The following WDR19 variants were observed in gnomAD, a reference collection of about 807,000 sequenced individuals.
WDR19 encodes the protein WD repeat-containing protein 19.
In WDR19, 121 loss-of-function variants were observed where a neutral mutation model predicts 180.0. The observed-to-expected ratio is 0.67, with a 90% CI of 0.58 to 0.78. The LOEUF is 0.78. Among genes scored for constraint, WDR19 ranks in the 30% least tolerant of loss-of-function variants. The pLI, the probability that WDR19 is intolerant of heterozygous loss-of-function variation, is 0.00. For missense variants in WDR19, 1,450 were observed against 1,640.7 expected, an observed-to-expected ratio of 0.88 and a Z score of 2.01; for synonymous variants, 497 against 540.7, an observed-to-expected ratio of 0.92 and a Z score of 1.12.
intron 36 of WDR19, among the ~76,000 whole-genome samples, chr4:39,284,335 T>A (rs905912923): frequency 2.1e-4 from 8 of 38,566 alleles, no homozygotes; most frequent in African/African-American, 1.7e-3. Context: ...AAAAAAATTT[T>A]TTTTTTTTTT....
At chr4:39,193,161 T>C (rs923322561) in intron 4 of WDR19, among the ~76,000 whole-genome samples, 35 of 149,596 alleles carry the variant, frequency 2.3e-4, no homozygotes, top group Admixed American at 4.7e-4. Context: ...ATTTTTTTTC[T>C]TTTCTTTTTT....
chr4:39,276,905 C>G, intron 33 of WDR19, 115 bp from the exon 34 acceptor site: 1 of 1,309,548 alleles, frequency 7.6e-7, no homozygotes, highest in Non-Finnish European at 1.1e-6. Flanking sequence ...AGCCCAGAGT[C>G]TGACTATGAA....
rs750722358 is a variant in WDR19, at chr4:39,268,106, C to A, written c.3358+15C>A. 6.4e-7 allele frequency: 1 copy of A among 1,554,464 alleles called. No homozygotes were observed. The highest frequency in any genetic ancestry group is 1.4e-5 in the African/African-American group (1 of 73,606). On this transcript the variant is annotated intron_variant, in intron 30 of 36. Transcript: ENST00000399820. ...GCAGTCTGCAGGTAGGTCCGTGATACGTATGTGTTACTTCCCAAGCAGGCA... is the reference window on the plus strand; with the variant it reads ...GCAGTCTGCAGGTAGGTCCGTGATAAGTATGTGTTACTTCCCAAGCAGGCA...
intron 21 of WDR19, among the ~76,000 whole-genome samples, 158 bp downstream of exon 21, chr4:39,240,492 T>C (rs528717825): frequency 2.0e-5 from 3 of 152,262 alleles, no homozygotes; most frequent in East Asian, 3.9e-4. Flanking sequence ...AGTTAAATCC[T>C]TTTAAAACAC....
intron 7 of WDR19, 114 bp from the exon 8 acceptor site, chr4:39,205,040 T>C: frequency 1.5e-6 from 1 of 682,906 alleles, no homozygotes; most frequent in African/African-American, 1.8e-5. Context: ...ATTTAGCACA[T>C]CTAAATTGGG....
intron 32 of WDR19, 22 bp from the exon 33 acceptor site, chr4:39,274,786 G>C (rs1735736489): frequency 6.2e-7 from 1 of 1,606,368 alleles, no homozygotes; most frequent in South Asian, 1.1e-5. Context: ...TGCTGTTGCT[G>C]CTCTCCCCTT....
intron 28 of WDR19, among the ~76,000 whole-genome samples, chr4:39,260,546 G>C (rs773069113): frequency 1.3e-5 from 2 of 152,006 alleles, no homozygotes; most frequent in African/African-American, 2.4e-5. Flanking sequence ...TCACCATGTT[G>C]GTCAGGCTGG....
rs772603713 is a variant in WDR19 at position 39,253,273 on chromosome 4, G to A, written c.2857G>A (p.Gly953Arg). The change falls in exon 25 of 37, where the codon GGA becomes AGA. Residue 953 changes from glycine to arginine, a missense_variant. Physicochemically the swap from Gly to Arg is moderately radical, Grantham distance 125. Coordinates refer to ENST00000399820, the MANE Select transcript of WDR19 (RefSeq NM_025132.4). ...NIVRETQSLD[G>R]AKMVARFFLQ... ...TGTTAGAGAGACCCAGTCTCTGGAT[G>A]GAGCCAAAATGGTAGCCAGGTAACA... 1.2e-6 allele frequency: 2 copies of A among 1,612,372 alleles called. No homozygotes were observed. Among genetic ancestry groups the A allele is most frequent in the South Asian group, 2.2e-5 (2 of 90,520 alleles).
intron 28 of WDR19, among the ~76,000 whole-genome samples, chr4:39,258,089 T>C (rs1021509422): frequency 1.3e-5 from 2 of 152,216 alleles, no homozygotes; most frequent in Non-Finnish European, 2.9e-5. Context: ...TGTCCTCTTA[T>C]GTCCAGTTTC....
chr4:39,282,009 T>C (rs1333430965), intron 36 of WDR19, among the ~76,000 whole-genome samples: 1 of 152,164 alleles, frequency 6.6e-6, no homozygotes, highest in Non-Finnish European at 1.5e-5. Context: ...AATCTCTCCC[T>C]TCAGGTAAAG....
At chr4:39,235,998 G>A (rs570775022) in intron 20 of WDR19, among the ~76,000 whole-genome samples, 10 of 152,252 alleles carry the variant, frequency 6.6e-5, no homozygotes, top group African/African-American at 1.7e-4. Context: ...TGTTGGTAAC[G>A]ATGTAGAGAA....
In WDR19 at chr4:39,257,598, A is replaced by C. The variant is rs747195904; in HGVS notation, c.3183+44A>C. The C allele has an allele frequency of 1.6e-5, 25 of 1,533,026 alleles. No homozygotes were observed. In the African/African-American group the frequency reaches 3.3e-4, roughly 20 times the overall value. The allele number at this position is 1,533,026 out of a possible 1,614,324, so 95.0% of individuals were successfully genotyped here. ...AAACTTTCAATAATGCCAATTTTTT[A>C]AAAAACTTCTTGAAAAAAATTTTAA... On this transcript the variant is annotated intron_variant, in intron 28 of 36. Coordinates refer to ENST00000399820, the MANE Select transcript of WDR19 (RefSeq NM_025132.4).
chr4:39,189,808 G>T, intron 4 of WDR19, 27 bp downstream of exon 4: 5 of 1,582,786 alleles, frequency 3.2e-6, no homozygotes, highest in Non-Finnish European at 3.4e-6. Context: ...ATTTTTTAAA[G>T]CTTCACTTAG....
At chr4:39,248,168 A>G (rs967379932) in intron 24 of WDR19, among the ~76,000 whole-genome samples, 1 of 152,262 alleles carries the variant, frequency 6.6e-6, no homozygotes, top group African/African-American at 2.4e-5. Flanking sequence ...CAGGAACTCT[A>G]CAAGCCAGAA....
In WDR19 at chr4:39,269,960, A is replaced by G; in HGVS notation, c.3359-16A>G. 3 of 1,613,136 alleles carry G rather than the reference A, an allele frequency of 1.9e-6. No individual in the cohort carries two copies. Among genetic ancestry groups the G allele is most frequent in the Non-Finnish European group, 2.5e-6 (3 of 1,179,280 alleles). On this transcript the variant is annotated splice_polypyrimidine_tract_variant and intron_variant, in intron 30 of 36. Coordinates refer to ENST00000399820, the MANE Select transcript of WDR19 (RefSeq NM_025132.4). ...TCACCCTTTGCAGTAATGTCGTTTT[A>G]CCACCTTTTTTCAAGGCAACTACCG... is the stretch of plus-strand genomic sequence containing the variant.
intron 28 of WDR19, among the ~76,000 whole-genome samples, chr4:39,264,180 C>G (rs1734567667): frequency 6.6e-6 from 1 of 152,050 alleles, no homozygotes. Flanking sequence ...TATTGAGGCC[C>G]CAAGAGTAAT....
intron 24 of WDR19, among the ~76,000 whole-genome samples, chr4:39,252,235 A>T (rs1228494116): frequency 6.6e-6 from 1 of 151,722 alleles, no homozygotes; most frequent in Non-Finnish European, 1.5e-5. Context: ...GGAAACCATC[A>T]TTCTCAGCAA....
In WDR19 at chr4:39,264,979, G is replaced by A. The variant is rs147878003; in HGVS notation, c.3184-1084G>A. Among the ~76,000 whole-genome samples the A allele has an allele frequency of 2.3e-3, 342 of 150,300 alleles. 1 individual carries two copies. Among genetic ancestry groups the A allele is most frequent in the African/African-American group, 7.6e-3 (312 of 40,808 alleles). ...GTCGCCCAGGCCGGAGTGCAGGGACGGGATGTCGGCTCACTGCAACCTTTG... is the reference window on the plus strand; with the variant it reads ...GTCGCCCAGGCCGGAGTGCAGGGACAGGATGTCGGCTCACTGCAACCTTTG... On this transcript the variant is annotated intron_variant, in intron 28 of 36. Coordinates refer to ENST00000399820, the MANE Select transcript of WDR19 (RefSeq NM_025132.4).
intron 28 of WDR19, among the ~76,000 whole-genome samples, chr4:39,262,409 A>T (rs1245245039): frequency 6.6e-6 from 1 of 151,886 alleles, no homozygotes; most frequent in Non-Finnish European, 1.5e-5. Flanking sequence ...CACCCGGCCA[A>T]TTTTTTATTT....
Sources: allele counts gnomAD v4.1 joint callset (sites outside exome capture counted in the v4.1 genomes callset), GRCh38; gene constraint gnomAD v4.1.1; transcripts MANE v1.5; gene names NCBI Gene and HGNC (gene_info 2026-07-23, HGNC 2026-07-21).